Variants in ITGB5 observed in about 807,000 individuals in gnomAD.
ITGB5 encodes the protein integrin subunit beta 5, also known as integrin beta-5.
Under a neutral mutation model 84.8 loss-of-function variants are expected in ITGB5, and 38 were observed. The ratio of observed to expected loss-of-function variants is 0.45; its 90% CI spans 0.35 to 0.59. ITGB5 has a LOEUF of 0.59. ITGB5 is among the 20% of genes least tolerant of loss of function. ITGB5 has a pLI of 0.01. For synonymous variants in ITGB5, 393 were observed against 414.4 expected, an observed-to-expected ratio of 0.95 and a Z score of 0.63; for missense variants, 905 against 1,034.5, an observed-to-expected ratio of 0.87 and a Z score of 1.72.
intron 10 of ITGB5, 72 bp from the exon 11 acceptor site, chr3:124,773,984 A>T (rs1579176900): frequency 1.5e-6 from 2 of 1,335,982 alleles, no homozygotes; most frequent in East Asian, 4.7e-5. Flanking sequence ...CTGGTGCCCC[A>T]CATGCCAGGA....
chr3:124,881,947 A>G (rs9812212), intron 1 of ITGB5, among the ~76,000 whole-genome samples: 124,467 of 152,052 alleles, frequency 0.82, 51,081 homozygotes, highest in African/African-American at 0.87. Flanking sequence ...CAGCCTGGGC[A>G]ACAGAGTGAG....
At chr3:124,785,092 G>A (rs897581294) in intron 10 of ITGB5, among the ~76,000 whole-genome samples, 1 of 152,194 alleles carries the variant, frequency 6.6e-6, no homozygotes, top group Non-Finnish European at 1.5e-5. Context: ...CTAGGGTTAG[G>A]GGAGGTAGAC....
intron 4 of ITGB5, among the ~76,000 whole-genome samples, chr3:124,846,844 G>T (rs1396768966): frequency 1.3e-5 from 2 of 152,132 alleles, no homozygotes; most frequent in East Asian, 3.9e-4. Flanking sequence ...TGGGGCAGGA[G>T]AATCGGCTTG....
intron 5 of ITGB5, among the ~76,000 whole-genome samples, chr3:124,821,986 T>C (rs947743122): frequency 6.6e-6 from 1 of 152,240 alleles, no homozygotes; most frequent in African/African-American, 2.4e-5. Context: ...TAGATGGGTC[T>C]GTCTTTTGAG....
intron 1 of ITGB5, among the ~76,000 whole-genome samples, chr3:124,880,720 G>C (rs1934526986): frequency 6.6e-6 from 1 of 152,090 alleles, no homozygotes; most frequent in Admixed American, 6.5e-5. Context: ...CTGAGGTCAG[G>C]AGTTCAAGAC....
chr3:124,768,690 T>C lies in ITGB5; in HGVS notation c.2017+323A>G, dbSNP rs192905541. ...TTCCACCTTTGGCTATAGCGAATAA[T>C]GCTGCTGTGAACATTTTTGTACGTA... On this transcript the variant is annotated intron_variant, in intron 12 of 14. Transcript: ENST00000296181. Among the ~76,000 whole-genome samples, 13 of 152,366 alleles carry C rather than the reference T, an allele frequency of 8.5e-5. No homozygotes were observed. In the East Asian group the frequency reaches 2.5e-3, roughly 29 times the overall value.
intron 5 of ITGB5, among the ~76,000 whole-genome samples, chr3:124,840,340 G>A (rs1278477716): frequency 1.3e-5 from 2 of 152,056 alleles, no homozygotes; most frequent in Non-Finnish European, 2.9e-5. Context: ...CTCTATTGAT[G>A]ACCACTTTGA....
At chr3:124,881,542 A>G (rs1934571034) in intron 1 of ITGB5, among the ~76,000 whole-genome samples, 1 of 152,184 alleles carries the variant, frequency 6.6e-6, no homozygotes, top group Admixed American at 6.5e-5. Context: ...TGGGTATAAA[A>G]GATCAGAGGA....
At chr3:124,782,221 AT>A (rs2064015420) in intron 10 of ITGB5, among the ~76,000 whole-genome samples, 1 of 152,222 alleles carries the variant, frequency 6.6e-6, no homozygotes, top group African/African-American at 2.4e-5. Context: ...ATTTTTACAG[AT>A]ATAGAAATGA....
chr3:124,812,676 G>A (rs992364873), intron 8 of ITGB5, among the ~76,000 whole-genome samples: 3 of 152,126 alleles, frequency 2.0e-5, no homozygotes, highest in African/African-American at 7.2e-5. Context: ...AACTCCCTTG[G>A]GAAGACTTGG....
intron 1 of ITGB5, among the ~76,000 whole-genome samples, chr3:124,882,939 A>G (rs947302719): frequency 6.6e-6 from 1 of 152,202 alleles, no homozygotes; most frequent in Admixed American, 6.5e-5. Flanking sequence ...AACGGAAGCA[A>G]GAAGCCTCAG....
chr3:124,862,869 C>T (rs1032752722), intron 2 of ITGB5: 1 of 152,190 alleles, frequency 6.6e-6, no homozygotes, highest in Non-Finnish European at 1.5e-5. Flanking sequence ...TGCACTGTCA[C>T]CTGGTTGCCA....
At chr3:124,783,198 T>C (rs2064029926) in intron 10 of ITGB5, among the ~76,000 whole-genome samples, 1 of 145,168 alleles carries the variant, frequency 6.9e-6, no homozygotes, top group Non-Finnish European at 1.5e-5. Flanking sequence ...GGCTGAGACA[T>C]GATAATTGCT....
intron 14 of ITGB5, 50 bp from the exon 15 acceptor site, chr3:124,763,768 C>T (rs1286849136): frequency 1.8e-6 from 2 of 1,087,946 alleles, no homozygotes; most frequent in Non-Finnish European, 2.8e-6. Context: ...AGCTCACACA[C>T]TCAAACCGAC....
intron 6 of ITGB5, among the ~76,000 whole-genome samples, chr3:124,820,555 T>C (rs1397321598): frequency 1.3e-5 from 2 of 152,180 alleles, no homozygotes; most frequent in African/African-American, 4.8e-5. Context: ...GCTTGGGCAC[T>C]GACCACCTCT....
intron 11 of ITGB5, chr3:124,770,094 G>A (rs1330767263): frequency 6.6e-6 from 1 of 152,318 alleles, no homozygotes; most frequent in African/African-American, 2.4e-5. Flanking sequence ...ACAGGGTGGG[G>A]AGCTAAGCTC....
At chr3:124,796,909 C>T (rs2064238871) in intron 9 of ITGB5, 92 bp from the exon 10 acceptor site, 3 of 1,279,166 alleles carry the variant, frequency 2.3e-6, no homozygotes, top group South Asian at 1.5e-5. Context: ...AGAGCAGCTG[C>T]GAACTCCAGC....
chr3:124,776,947 G>A (rs757924850), intron 10 of ITGB5, among the ~76,000 whole-genome samples: 1 of 152,190 alleles, frequency 6.6e-6, no homozygotes, highest in Non-Finnish European at 1.5e-5. Context: ...AGGCCTGTTC[G>A]CTGCAGAGGG....
At chr3:124,858,844 A>G (rs1430284282) in intron 3 of ITGB5, among the ~76,000 whole-genome samples, 1 of 152,232 alleles carries the variant, frequency 6.6e-6, no homozygotes, top group Non-Finnish European at 1.5e-5. Flanking sequence ...GAACCAAGGG[A>G]AAGAGAGAAT....
Sources: allele counts gnomAD v4.1 joint callset (sites outside exome capture counted in the v4.1 genomes callset), GRCh38; gene constraint gnomAD v4.1.1; transcripts MANE v1.5; gene names NCBI Gene and HGNC (gene_info 2026-07-23, HGNC 2026-07-21).